PDZRN3: variants seen among roughly 807,000 people sequenced by gnomAD.
PDZRN3 encodes PDZ domain containing ring finger 3, also known as E3 ubiquitin-protein ligase PDZRN3.
PDZRN3 carries 38 observed loss-of-function variants against 85.7 expected under a neutral mutation model. That is an observed-to-expected ratio of 0.44 (90% CI 0.34 to 0.58). The LOEUF (loss-of-function observed/expected upper bound fraction) is 0.58. PDZRN3 is among the 20% of genes least tolerant of loss of function. PDZRN3 has a pLI of 0.01. For synonymous variants in PDZRN3, 759 were observed against 638.0 expected, an observed-to-expected ratio of 1.19 and a Z score of -2.86; for missense variants, 1,629 against 1,506.4, an observed-to-expected ratio of 1.08 and a Z score of -1.35.
intron 3 of PDZRN3, among the ~76,000 whole-genome samples, chr3:73,436,013 C>A (rs186343498): frequency 6.8e-4 from 103 of 152,272 alleles, no homozygotes; most frequent in African/African-American, 2.4e-3. Context: ...AGGGCCTCTG[C>A]AGGTCTCTCT....
chr3:73,520,221 A>G (rs1275506734), intron 3 of PDZRN3, among the ~76,000 whole-genome samples: 1 of 152,164 alleles, frequency 6.6e-6, no homozygotes, highest in Non-Finnish European at 1.5e-5. Context: ...AGAGTAAACT[A>G]GGCCAGGTGT....
chr3:73,565,546 A>T (rs1258272829), intron 3 of PDZRN3, among the ~76,000 whole-genome samples: 3 of 152,118 alleles, frequency 2.0e-5, no homozygotes, highest in Non-Finnish European at 2.9e-5. Flanking sequence ...GTCTCTAAGG[A>T]TTAGGTTGAT....
At chr3:73,540,087 GAAAAAAA>G (rs1168662549) in intron 3 of PDZRN3, among the ~76,000 whole-genome samples, 233 of 50,048 alleles carry the variant, frequency 4.7e-3, no homozygotes, top group African/African-American at 0.017. Context: ...ACTGTTGGAT[GAAAAAAA>G]AAAAAAAAAA....
chr3:73,507,199 G>A (rs1222425071), intron 3 of PDZRN3, among the ~76,000 whole-genome samples: 3 of 151,720 alleles, frequency 2.0e-5, no homozygotes, highest in Non-Finnish European at 2.9e-5. Flanking sequence ...ACGAAGTCTC[G>A]CTCTTGTCCC....
At chr3:73,496,307 T>C (rs1044433874) in intron 3 of PDZRN3, among the ~76,000 whole-genome samples, 7 of 152,198 alleles carry the variant, frequency 4.6e-5, no homozygotes, top group Non-Finnish European at 8.8e-5. Flanking sequence ...AATATTCTGA[T>C]TTTTATGTTT....
intron 3 of PDZRN3, among the ~76,000 whole-genome samples, chr3:73,430,440 A>C (rs535048412): frequency 6.6e-6 from 1 of 152,298 alleles, no homozygotes; most frequent in South Asian, 2.1e-4. Context: ...AGAAAAGGTC[A>C]CCATTTTACA....
intron 3 of PDZRN3, among the ~76,000 whole-genome samples, chr3:73,563,011 ATATTT>A (rs1281557124): frequency 5.2e-5 from 2 of 38,210 alleles, no homozygotes; most frequent in Non-Finnish European, 9.0e-5. Flanking sequence ...ATATATATAT[ATATTT>A]TTTTTTTTTT....
chr3:73,601,446 T>G (rs1244671555), intron 3 of PDZRN3, among the ~76,000 whole-genome samples: 1 of 152,230 alleles, frequency 6.6e-6, no homozygotes, highest in East Asian at 1.9e-4. Flanking sequence ...ATTACGGCTG[T>G]GGCCCATGGG....
chr3:73,612,539 A>C (rs1374559856), intron 1 of PDZRN3, among the ~76,000 whole-genome samples: 1 of 152,260 alleles, frequency 6.6e-6, no homozygotes, highest in Non-Finnish European at 1.5e-5. Context: ...TGACAGGAGC[A>C]GCATAATGGT....
chr3:73,555,023 C>A (rs2106815160), intron 3 of PDZRN3, among the ~76,000 whole-genome samples: 1 of 152,346 alleles, frequency 6.6e-6, no homozygotes, highest in Middle Eastern at 3.4e-3. Context: ...CTATTTTAAT[C>A]ACCAGACAAA....
chr3:73,522,399 A>T (rs2106732423), intron 3 of PDZRN3, among the ~76,000 whole-genome samples: 1 of 152,374 alleles, frequency 6.6e-6, no homozygotes, highest in East Asian at 1.9e-4. Flanking sequence ...GCATCAAAAC[A>T]TGCTAGTGCT....
intron 3 of PDZRN3, chr3:73,474,672 T>C (rs145742268): frequency 9.2e-7 from 1 of 1,084,348 alleles, no homozygotes; most frequent in East Asian, 6.4e-5. Flanking sequence ...GATCACAGAA[T>C]AGGGAGGCAC....
intron 3 of PDZRN3, among the ~76,000 whole-genome samples, chr3:73,447,289 T>C (rs1463414550): frequency 2.0e-5 from 3 of 151,938 alleles, no homozygotes; most frequent in African/African-American, 4.8e-5. Context: ...GCCCTCGGAC[T>C]CAAGGCTCTC....
chr3:73,515,173 C>CTTTT (rs60325744), intron 3 of PDZRN3, among the ~76,000 whole-genome samples: 1 of 58,088 alleles, frequency 1.7e-5, no homozygotes, highest in African/African-American at 6.3e-5. Flanking sequence ...ACAATCAGCC[C>CTTTT]TTTTTTTTTT....
intron 3 of PDZRN3, among the ~76,000 whole-genome samples, chr3:73,593,642 T>C (rs932464057): frequency 6.6e-6 from 1 of 152,048 alleles, no homozygotes; most frequent in Non-Finnish European, 1.5e-5. Flanking sequence ...CACTTTGTGA[T>C]ATTTAAAATC....
intron 3 of PDZRN3, among the ~76,000 whole-genome samples, chr3:73,531,571 G>A (rs1043527168): frequency 1.3e-5 from 2 of 152,142 alleles, no homozygotes; most frequent in African/African-American, 4.8e-5. Flanking sequence ...CTTCTGATTA[G>A]TTGCTACCAA....
chr3:73,409,922 C>G (rs763174375), intron 3 of PDZRN3, among the ~76,000 whole-genome samples: 1 of 152,150 alleles, frequency 6.6e-6, no homozygotes, highest in Admixed American at 6.5e-5. Context: ...TCACAGTCAC[C>G]TCTATTTCTA....
chr3:73,472,206 C>A (rs999665439), intron 3 of PDZRN3, among the ~76,000 whole-genome samples: 1 of 152,202 alleles, frequency 6.6e-6, no homozygotes, highest in African/African-American at 2.4e-5. Flanking sequence ...TTAGAGCTGC[C>A]AGGCTGGATT....
chr3:73,571,112 T>C (rs1559743427), intron 3 of PDZRN3, among the ~76,000 whole-genome samples: 1 of 152,226 alleles, frequency 6.6e-6, no homozygotes, highest in Non-Finnish European at 1.5e-5. Flanking sequence ...ACCTTAACTA[T>C]GGTTTTCCTC....
Sources: allele counts gnomAD v4.1 joint callset (sites outside exome capture counted in the v4.1 genomes callset), GRCh38; gene constraint gnomAD v4.1.1; transcripts MANE v1.5; gene names NCBI Gene and HGNC (gene_info 2026-07-23, HGNC 2026-07-21).